Variants in NCOR1 observed in about 807,000 individuals in gnomAD.
NCOR1 encodes protein phosphatase 1, regulatory subunit 109.
NCOR1 carries 63 observed loss-of-function variants against 288.1 expected under a neutral mutation model. The ratio of observed to expected loss-of-function variants is 0.22; its 90% CI spans 0.18 to 0.27. The LOEUF (loss-of-function observed/expected upper bound fraction) is 0.27. Among genes scored for constraint, NCOR1 ranks in the 10% least tolerant of loss-of-function variants. The probability of loss-of-function intolerance (pLI) is 1.00; values close to 1 mark genes in which losing one functional copy is unlikely to be tolerated. For missense variants in NCOR1, 2,397 were observed against 3,019.2 expected (o/e 0.79, Z 4.83); for synonymous variants, 1,007 against 1,065.9 (o/e 0.94, Z 1.08).
At position 16,087,191 on chromosome 17, in the gene NCOR1, G is replaced by A. The variant is rs149258775; in HGVS notation, c.3017-749C>T. 2.3e-4 allele frequency: 302 copies of A among 1,304,022 alleles called. No individual in the cohort carries two copies. The African/African-American group carries it at 4.3e-3, about 19-fold the overall frequency. The allele number at this position is 1,304,022 out of a possible 1,614,324, so 80.8% of individuals were successfully genotyped here. A position where few individuals can be genotyped will look rare whatever the true frequency, so the allele number is the denominator to read the frequency against. Reference sequence around the variant, plus strand: ...ATTTACCTGGCGGGACACTATAGCGGGCTGCACTCATATCAGGCTGTGGAG... The same window carrying A: ...ATTTACCTGGCGGGACACTATAGCGAGCTGCACTCATATCAGGCTGTGGAG... On this transcript the variant is annotated intron_variant, in intron 22 of 45. Transcript: ENST00000268712.
At position 16,098,474 on chromosome 17, in the gene NCOR1, G is replaced by C. The variant is rs1285246841; in HGVS notation, c.2713C>G (p.Pro905Ala). Residue 905 changes from proline to alanine, a missense_variant, in exon 21 of 46, where the codon CCT becomes GCT. Physicochemically the swap from Pro to Ala is conservative, Grantham distance 27. Transcript: ENST00000268712. ...GATCCAGTGGGGTTTAACAGTGAAGGCTTTGAGTCCATAGGAAACATTCTG... is the reference window on the plus strand; with the variant it reads ...GATCCAGTGGGGTTTAACAGTGAAGCCTTTGAGTCCATAGGAAACATTCTG... ...RQRMFPMDSKPSLLNPTGSIL... is the reference protein window; with the variant it reads ...RQRMFPMDSKASLLNPTGSIL... 2 of 1,610,924 alleles carry C rather than the reference G, an allele frequency of 1.2e-6. No individual in the cohort carries two copies. The highest frequency in any genetic ancestry group is 2.7e-5 in the African/African-American group (2 of 74,768).
intron 32 of NCOR1, among the ~76,000 whole-genome samples, chr17:16,066,762 A>G (rs1332284452): frequency 6.6e-6 from 1 of 152,228 alleles, no homozygotes; most frequent in East Asian, 1.9e-4. Context: ...GATGGCATTT[A>G]CACAGCTTTT....
intron 4 of NCOR1, among the ~76,000 whole-genome samples, chr17:16,167,262 A>T (rs1330713727): frequency 6.6e-6 from 1 of 152,194 alleles, no homozygotes; most frequent in African/African-American, 2.4e-5. Flanking sequence ...GCCTACTTAC[A>T]TAACAGGAAT....
At position 16,064,170 on chromosome 17, in the gene NCOR1, C is replaced by T. The variant is rs1234976192; in HGVS notation, c.5119G>A (p.Ala1707Thr). The T allele has an allele frequency of 3.7e-6, 6 of 1,614,094 alleles. No individual in the cohort carries two copies. In the African/African-American group the frequency reaches 5.3e-5, roughly 14 times the overall value. The change falls in exon 35 of 46, where the codon GCA (alanine) becomes ACA (threonine). Residue 1707 changes from alanine (A) to threonine (T), a missense_variant. Ala to Thr is a moderately conservative substitution (Grantham distance 58). Coordinates refer to ENST00000268712, the MANE Select transcript of NCOR1 (RefSeq NM_006311.4). The part of the protein sequence containing the change: ...SMSPGHPTHL[A>T]AAASAERERE... ...TCCCTCTCAGCACTTGCAGCAGCTG[C>T]AAGGTGTGTTGGGTGTCCTGTAAAA...
intron 21 of NCOR1, among the ~76,000 whole-genome samples, chr17:16,092,460 C>A (rs113521482): frequency 6.6e-6 from 1 of 151,612 alleles, no homozygotes; most frequent in Non-Finnish European, 1.5e-5. Flanking sequence ...GCACTCCAGC[C>A]TGGGCAACAC....
chr17:16,177,516 C>G (rs1049594355), intron 3 of NCOR1, among the ~76,000 whole-genome samples: 1 of 152,102 alleles, frequency 6.6e-6, no homozygotes, highest in Non-Finnish European at 1.5e-5. Context: ...CTTGATTGTT[C>G]CCACTTTTTC....
At chr17:16,132,574 G>A (rs1488932490) in intron 14 of NCOR1, among the ~76,000 whole-genome samples, 1 of 152,118 alleles carries the variant, frequency 6.6e-6, no homozygotes, top group East Asian at 1.9e-4. Context: ...AAATGGGTTG[G>A]GGTAGTCTCT....
Position 16,086,457 on chromosome 17 carries a change from G to T in NCOR1, c.3017-15C>A. 6.3e-7 allele frequency: 1 copy of T among 1,599,608 alleles called. No homozygotes were observed. Among genetic ancestry groups the T allele is most frequent in the Non-Finnish European group, 8.5e-7 (1 of 1,170,394 alleles). On this transcript the variant is annotated splice_polypyrimidine_tract_variant and intron_variant, in intron 22 of 45. Transcript: ENST00000268712. ...AGGCTGAAGGACTTTTAAAAGGAAAGAAAAATGATTTTAAACTAGTCCATT... is the reference window on the plus strand; with the variant it reads ...AGGCTGAAGGACTTTTAAAAGGAAATAAAAATGATTTTAAACTAGTCCATT...
chr17:16,215,406 G>C lies in NCOR1; in HGVS notation c.-115C>G. 1 of 396,026 alleles carries C rather than the reference G, an allele frequency of 2.5e-6. No homozygotes were observed. Among genetic ancestry groups the C allele is most frequent in the Non-Finnish European group, 4.5e-6 (1 of 224,272 alleles). 24.5% of individuals were successfully genotyped at this position (396,026 alleles called of 1,614,324 possible). On this transcript the variant is annotated 5_prime_UTR_variant, in exon 1 of 46. Transcript: ENST00000268712. The stretch of plus-strand genomic sequence containing the variant: ...GGAGCCGACGTGCGCCCCGGCCTGA[G>C]GAGTGGGACGCGGCCACGGCGCGCG...
chr17:16,138,966 T>C, intron 12 of NCOR1, 42 bp downstream of exon 12: 1 of 1,372,368 alleles, frequency 7.3e-7, no homozygotes, highest in Non-Finnish European at 9.8e-7. Flanking sequence ...TTTACTAACT[T>C]ATGTAGATGT....
intron 6 of NCOR1, among the ~76,000 whole-genome samples, chr17:16,154,084 T>A (rs9916733): frequency 6.9e-6 from 1 of 144,766 alleles, no homozygotes; most frequent in African/African-American, 2.6e-5. Flanking sequence ...TGGGACACAA[T>A]GGCACGATCA....
At chr17:16,168,492 C>A (rs77253273) in intron 4 of NCOR1, among the ~76,000 whole-genome samples, 1 of 151,876 alleles carries the variant, frequency 6.6e-6, no homozygotes, top group African/African-American at 2.4e-5. Flanking sequence ...TGAGCCACCG[C>A]GCCCAGCCAA....
chr17:16,172,106 T>A, intron 3 of NCOR1, 111 bp from the exon 4 acceptor site: 1 of 878,266 alleles, frequency 1.1e-6, no homozygotes, highest in Non-Finnish European at 1.7e-6. Context: ...CATGCTTACA[T>A]TCAAAGTGAA....
Position 16,080,633 on chromosome 17 carries a change from G to A in NCOR1, c.3272C>T (p.Pro1091Leu). ...TGATTTGGCAGATTCCTGTTGCCGT[G>A]GCAGTCCAAGAGAGATAGATCCCAC... is the stretch of plus-strand genomic sequence containing the variant. ...PSVGSISLGLPRQQESAKSAT... is the reference protein window; with the variant it reads ...PSVGSISLGLLRQQESAKSAT... The change falls in exon 24 of 46, where the codon CCA (proline) becomes CTA (leucine). Residue 1091 changes from proline to leucine, a missense_variant. By Grantham distance (98) the Pro-to-Leu change is moderately conservative (BLOSUM62 -3). Around this residue, in one of 11 missense-constraint regions of NCOR1, gnomAD observed 1,872 missense variants for 2,187.8 expected, o/e 0.86. Coordinates refer to ENST00000268712, the MANE Select transcript of NCOR1 (RefSeq NM_006311.4). 6.2e-7 allele frequency: 1 copy of A among 1,614,012 alleles called. No homozygotes were observed. The highest frequency in any genetic ancestry group is 8.5e-7 in the Non-Finnish European group (1 of 1,179,972).
At chr17:16,109,304 C>CA (rs1160232017) in intron 18 of NCOR1, among the ~76,000 whole-genome samples, 1 of 151,874 alleles carries the variant, frequency 6.6e-6, no homozygotes, top group African/African-American at 2.4e-5. Context: ...CATAACACTA[C>CA]AAAAATCACT....
At chr17:16,181,884 T>C (rs2085555504) in intron 3 of NCOR1, among the ~76,000 whole-genome samples, 1 of 151,974 alleles carries the variant, frequency 6.6e-6, no homozygotes, top group Admixed American at 6.6e-5. Context: ...AAAGAACAAT[T>C]TGAAATGATC....
intron 2 of NCOR1, among the ~76,000 whole-genome samples, chr17:16,194,078 T>G (rs1298471007): frequency 2.6e-5 from 4 of 152,300 alleles, no homozygotes; most frequent in African/African-American, 9.6e-5. Context: ...CTACCATCAA[T>G]TTCTTAAAAA....
chr17:16,137,262 C>T (rs1482736314), intron 14 of NCOR1, 49 bp downstream of exon 14: 10 of 1,268,682 alleles, frequency 7.9e-6, no homozygotes, highest in African/African-American at 4.5e-5. Flanking sequence ...TTTTGCTTGC[C>T]TATTTCCCCC....
intron 14 of NCOR1, 112 bp from the exon 15 acceptor site, chr17:16,126,318 C>T: frequency 9.4e-7 from 1 of 1,068,234 alleles, no homozygotes; most frequent in Non-Finnish European, 1.3e-6. Context: ...TAGTCATTTA[C>T]AATGTAACTG....
Sources: allele counts gnomAD v4.1 joint callset (sites outside exome capture counted in the v4.1 genomes callset), GRCh38; gene constraint gnomAD v4.1.1; regional missense constraint gnomAD v4.1.1; transcripts MANE v1.5; gene names NCBI Gene and HGNC (gene_info 2026-07-23, HGNC 2026-07-21).